The following DIAPH3 variants were observed in gnomAD, a reference collection of about 807,000 sequenced individuals.
DIAPH3 encodes diaphanous related formin 3, also known as protein diaphanous homolog 3.
In DIAPH3, 117 loss-of-function variants were observed where a neutral mutation model predicts 144.3. The ratio of observed to expected loss-of-function variants is 0.81; its 90% CI spans 0.70 to 0.95. The LOEUF is 0.95. DIAPH3 is among the 40% of genes least tolerant of loss of function. The pLI is 0.00. For missense variants in DIAPH3, 1,421 were observed against 1,412.7 expected (o/e 1.01, Z -0.09); for synonymous variants, 519 against 488.9 (o/e 1.06, Z -0.81).
chr13:59,666,977 C>G (rs1726074774), intron 27 of DIAPH3, 131 bp from the exon 28 acceptor site: 2 of 1,104,408 alleles, frequency 1.8e-6, no homozygotes, highest in Admixed American at 4.4e-5. Context: ...AACAAAGAAA[C>G]AGTCAACAGA....
rs1043226291 is a variant in DIAPH3, at chr13:60,147,797, T to C, written c.181-14808A>G. 1.2e-4 allele frequency among the ~76,000 whole-genome samples: 19 copies of C among 152,246 alleles called. No homozygotes were observed. The East Asian group carries it at 3.5e-3, about 28-fold the overall frequency. On this transcript the variant is annotated intron_variant, in intron 1 of 27. Coordinates refer to ENST00000400324, the MANE Select transcript of DIAPH3 (RefSeq NM_001042517.2). ...AAGATCATGCTACTTGGCCTTTAAG[T>C]TGTGGATGATGCAGGAGAGAAACTG...
intron 27 of DIAPH3, among the ~76,000 whole-genome samples, chr13:59,755,596 TGAAACAA>T (rs1476201469): frequency 6.6e-6 from 1 of 152,114 alleles, no homozygotes; most frequent in African/African-American, 2.4e-5. Context: ...AAGCCACAGA[TGAAACAA>T]TCTGTTACTT....
At chr13:60,021,433 T>C (rs2054011596) in intron 5 of DIAPH3, among the ~76,000 whole-genome samples, 1 of 152,174 alleles carries the variant, frequency 6.6e-6, no homozygotes, top group African/African-American at 2.4e-5. Flanking sequence ...GAGATCAGCC[T>C]GGCCAACACG....
At chr13:59,715,090 T>G (rs2034983201) in intron 27 of DIAPH3, among the ~76,000 whole-genome samples, 1 of 152,190 alleles carries the variant, frequency 6.6e-6, no homozygotes, top group African/African-American at 2.4e-5. Context: ...TTTCCCCATT[T>G]ATCTATCTAG....
chr13:59,945,406 T>C (rs2048747967), intron 17 of DIAPH3, among the ~76,000 whole-genome samples: 1 of 152,180 alleles, frequency 6.6e-6, no homozygotes, highest in African/African-American at 2.4e-5. Context: ...TCCCAGGAGC[T>C]AGGACAGTAC....
chr13:59,686,574 T>C (rs1221244822), intron 27 of DIAPH3, among the ~76,000 whole-genome samples: 1 of 152,064 alleles, frequency 6.6e-6, no homozygotes, highest in East Asian at 1.9e-4. Flanking sequence ...AGATAATGTA[T>C]AAAATGTGTT....
intron 27 of DIAPH3, among the ~76,000 whole-genome samples, chr13:59,674,147 A>G (rs2032522178): frequency 6.6e-6 from 1 of 152,212 alleles, no homozygotes; most frequent in Admixed American, 6.5e-5. Context: ...TTAGAAGTCA[A>G]TGTAGAATGT....
intron 27 of DIAPH3, among the ~76,000 whole-genome samples, chr13:59,674,903 A>C (rs904253195): frequency 1.3e-5 from 2 of 152,198 alleles, no homozygotes; most frequent in African/African-American, 4.8e-5. Flanking sequence ...TAAAGTGTGT[A>C]ATGGCTTGTC....
At chr13:59,942,663 G>A (rs2048592984) in intron 17 of DIAPH3, among the ~76,000 whole-genome samples, 1 of 152,198 alleles carries the variant, frequency 6.6e-6, no homozygotes, top group South Asian at 2.1e-4. Context: ...GCTACTGCTG[G>A]TAGCCTTCTG....
chr13:59,883,986 A>G (rs1300433519), intron 20 of DIAPH3, among the ~76,000 whole-genome samples: 1 of 152,136 alleles, frequency 6.6e-6, no homozygotes, highest in African/African-American at 2.4e-5. Flanking sequence ...CAGGGATCCC[A>G]CACCAGTAAC....
intron 27 of DIAPH3, among the ~76,000 whole-genome samples, chr13:59,756,691 C>G (rs573406055): frequency 6.6e-6 from 1 of 152,250 alleles, no homozygotes; most frequent in East Asian, 1.9e-4. Flanking sequence ...TACCTCATTA[C>G]CCAAAAACCT....
intron 25 of DIAPH3, among the ~76,000 whole-genome samples, chr13:59,803,707 T>C (rs933244978): frequency 1.1e-4 from 17 of 152,194 alleles, no homozygotes; most frequent in African/African-American, 4.1e-4. Flanking sequence ...TATAGCTGCA[T>C]GGAGAAGACG....
intron 2 of DIAPH3, among the ~76,000 whole-genome samples, chr13:60,130,715 A>G (rs920098761): frequency 1.3e-5 from 2 of 152,344 alleles, no homozygotes; most frequent in East Asian, 1.9e-4. Flanking sequence ...TTCATTACAC[A>G]TCGTCCCTGC....
chr13:60,021,164 CTCATGTAG>C (rs1432594544), intron 5 of DIAPH3, among the ~76,000 whole-genome samples: 7 of 152,192 alleles, frequency 4.6e-5, no homozygotes, highest in African/African-American at 1.7e-4. Context: ...AATATATTAC[CTCATGTAG>C]CAAAGGAGAA....
chr13:59,701,629 T>G (rs931455674), intron 27 of DIAPH3, among the ~76,000 whole-genome samples: 1 of 152,250 alleles, frequency 6.6e-6, no homozygotes, highest in African/African-American at 2.4e-5. Flanking sequence ...TTCAAGACCA[T>G]GACTTCCTAT....
chr13:59,704,503 C>T (rs749174009), intron 27 of DIAPH3, among the ~76,000 whole-genome samples: 1 of 152,202 alleles, frequency 6.6e-6, no homozygotes, highest in Non-Finnish European at 1.5e-5. Context: ...TTTCTTAGCA[C>T]TCTTTACCAT....
chr13:60,084,518 G>A (rs541897335), intron 4 of DIAPH3, among the ~76,000 whole-genome samples: 28 of 151,670 alleles, frequency 1.8e-4, no homozygotes, highest in South Asian at 1.2e-3. Flanking sequence ...TACTAAATAC[G>A]AGAGTATAAC....
chr13:59,693,196 G>A (rs981675387), intron 27 of DIAPH3, among the ~76,000 whole-genome samples: 1 of 152,206 alleles, frequency 6.6e-6, no homozygotes, highest in African/African-American at 2.4e-5. Context: ...TGACTGGAAA[G>A]TAGTGACCAA....
chr13:60,146,913 CA>C (rs1951551345), intron 1 of DIAPH3, among the ~76,000 whole-genome samples: 1 of 152,204 alleles, frequency 6.6e-6, no homozygotes, highest in Admixed American at 6.5e-5. Context: ...GCAGATCTCA[CA>C]AGGATGTGAA....
Sources: gnomAD v4.1 joint callset for allele counts (sites outside exome capture counted in the v4.1 genomes callset) on GRCh38, gnomAD v4.1.1 for gene constraint, MANE v1.5 for transcripts, NCBI Gene and HGNC (gene_info 2026-07-23, HGNC 2026-07-21) for gene names.